Variants in ULK4 observed in about 807,000 individuals in gnomAD.
ULK4 encodes inactive serine/threonine-protein kinase ULK4.
Under a neutral mutation model 160.6 loss-of-function variants are expected in ULK4, and 133 were observed. That is an observed-to-expected ratio of 0.83 (90% CI 0.72 to 0.96). ULK4 has a LOEUF of 0.96. ULK4 is among the 40% of genes least tolerant of loss of function. The probability of loss-of-function intolerance (pLI) is 0.00; values close to 1 mark genes in which losing one functional copy is unlikely to be tolerated. For missense variants in ULK4, 1,580 were observed against 1,499.5 expected (o/e 1.05, Z -0.89); for synonymous variants, 534 against 539.8 (o/e 0.99, Z 0.15).
At chr3:41,557,493 G>A (rs1009101061) in intron 32 of ULK4, among the ~76,000 whole-genome samples, 1 of 151,930 alleles carries the variant, frequency 6.6e-6, no homozygotes, top group East Asian at 1.9e-4. Flanking sequence ...CAGGCATGGT[G>A]GCTCACACCT....
chr3:41,898,757 C>A (rs1698252953), intron 13 of ULK4, among the ~76,000 whole-genome samples: 1 of 152,204 alleles, frequency 6.6e-6, no homozygotes, highest in South Asian at 2.1e-4. Flanking sequence ...TACTTTTTAG[C>A]TAATTTACCT....
chr3:41,939,268 C>G (rs189006918), intron 2 of ULK4, among the ~76,000 whole-genome samples: 160 of 151,428 alleles, frequency 1.1e-3, no homozygotes, highest in African/African-American at 3.8e-3. Flanking sequence ...TCAAGCAATT[C>G]CCTGCCTCAG....
At chr3:41,916,085 T>C (rs1575943080) in intron 7 of ULK4, 33 bp from the exon 8 acceptor site, 1 of 1,420,436 alleles carries the variant, frequency 7.0e-7, no homozygotes, top group Non-Finnish European at 9.7e-7. Context: ...GAAAAAATGA[T>C]AAGTAGTAAA....
In ULK4 at chr3:41,915,969, G is replaced by A. The variant is rs1197298576; in HGVS notation, c.803+8C>T. ...AAAAAGAAAAAAAGATCGAACTACT[G>A]TCCCTACCTTTTCTGAGGATCTCTT... On this transcript the variant is annotated splice_region_variant and intron_variant, in intron 8 of 36. Transcript: ENST00000301831. The A allele has an allele frequency of 1.9e-6, 3 of 1,577,250 alleles. No individual in the cohort carries two copies. In the Admixed American group the frequency reaches 5.9e-5, roughly 31 times the overall value.
chr3:41,500,464 G>T (rs2085159667), intron 32 of ULK4, among the ~76,000 whole-genome samples: 1 of 152,112 alleles, frequency 6.6e-6, no homozygotes, highest in Admixed American at 6.6e-5. Flanking sequence ...TGATTAAAGG[G>T]AGGAGGGGTA....
intron 32 of ULK4, among the ~76,000 whole-genome samples, chr3:41,481,550 G>A (rs1436655638): frequency 3.9e-5 from 6 of 152,026 alleles, no homozygotes; most frequent in South Asian, 2.1e-4. Context: ...ATTCCTGGCC[G>A]GGCGCGGTGG....
intron 33 of ULK4, among the ~76,000 whole-genome samples, chr3:41,458,761 T>C (rs1206300928): frequency 6.6e-6 from 1 of 152,110 alleles, no homozygotes; most frequent in Non-Finnish European, 1.5e-5. Flanking sequence ...GTTCCTGTCT[T>C]ATTTATCTTT....
rs981854089 is a variant in ULK4, at chr3:41,492,459, G to A, written c.3227-29206C>T. On this transcript the variant is annotated intron_variant, in intron 32 of 36. Transcript: ENST00000301831. Reference sequence around the variant, plus strand: ...ACATGGAAAGGAACAACCGGTACCAGCCACTGCAAAATCATGCCAAAATGT... The same window carrying A: ...ACATGGAAAGGAACAACCGGTACCAACCACTGCAAAATCATGCCAAAATGT... Among the ~76,000 whole-genome samples, 42 of 151,244 alleles carry A rather than the reference G, an allele frequency of 2.8e-4. 1 individual carries two copies. Among genetic ancestry groups the A allele is most frequent in the Admixed American group, 2.4e-3 (36 of 15,154 alleles).
chr3:41,637,955 G>A (rs992902015), intron 30 of ULK4, among the ~76,000 whole-genome samples: 3 of 151,966 alleles, frequency 2.0e-5, no homozygotes, highest in Non-Finnish European at 4.4e-5. Context: ...TCTGATGTAC[G>A]GTTTACAAAT....
At chr3:41,733,436 C>G (rs1165599867) in intron 22 of ULK4, among the ~76,000 whole-genome samples, 1 of 151,712 alleles carries the variant, frequency 6.6e-6, no homozygotes, top group Non-Finnish European at 1.5e-5. Flanking sequence ...GGTGACACTT[C>G]AATAAAGCAG....
chr3:41,466,144 T>C (rs1185745236), intron 32 of ULK4, among the ~76,000 whole-genome samples: 1 of 152,200 alleles, frequency 6.6e-6, no homozygotes, highest in African/African-American at 2.4e-5. Context: ...GCTTCTGCTA[T>C]AATAATGTGC....
At chr3:41,854,526 C>T (rs1334891126) in intron 17 of ULK4, among the ~76,000 whole-genome samples, 3 of 152,102 alleles carry the variant, frequency 2.0e-5, no homozygotes, top group Non-Finnish European at 4.4e-5. Context: ...TATTCTGACC[C>T]ACAAGAATCA....
At chr3:41,675,959 T>A (rs77872212) in intron 29 of ULK4, among the ~76,000 whole-genome samples, 4,301 of 152,198 alleles carry the variant, frequency 0.028, 144 homozygotes, top group East Asian at 0.089. Context: ...TACAAACACA[T>A]AAGAAACTGA....
At chr3:41,459,377 C>G (rs371430193) in intron 33 of ULK4, among the ~76,000 whole-genome samples, 86 of 152,196 alleles carry the variant, frequency 5.7e-4, no homozygotes, top group African/African-American at 2.0e-3. Flanking sequence ...CAGTTCCTGT[C>G]GTTATATCTC....
chr3:41,607,575 T>C (rs544367184), intron 31 of ULK4, among the ~76,000 whole-genome samples: 1 of 152,276 alleles, frequency 6.6e-6, no homozygotes, highest in South Asian at 2.1e-4. Flanking sequence ...AGGACATATA[T>C]ACTTCAGTGT....
chr3:41,850,202 A>G (rs1367226735), intron 17 of ULK4, among the ~76,000 whole-genome samples: 1 of 152,186 alleles, frequency 6.6e-6, no homozygotes, highest in African/African-American at 2.4e-5. Context: ...TTCTTAATCC[A>G]GTCTATCATT....
intron 21 of ULK4, among the ~76,000 whole-genome samples, chr3:41,789,441 A>G (rs571459613): frequency 1.4e-4 from 21 of 152,206 alleles, no homozygotes; most frequent in Non-Finnish European, 2.9e-4. Flanking sequence ...GAAATGGGAC[A>G]AGTAGGCAGA....
chr3:41,896,825 G>C lies in ULK4; in HGVS notation c.1527C>G (p.Pro509=). The change falls in exon 15 of 37, where the codon CCC becomes CCG. Residue 509 remains proline (P), a synonymous_variant. Coordinates refer to ENST00000301831, the MANE Select transcript of ULK4 (RefSeq NM_017886.4). ...AAGGCATGTCACACAGGCTTACCAG[G>C]GGGGAATGGAGGAGCCTGGTGGCCA... ...QEVATRLLHS[P]LFQLLIQHLR... 1 of 1,611,850 alleles carries C rather than the reference G, an allele frequency of 6.2e-7. No homozygotes were observed. Among genetic ancestry groups the C allele is most frequent in the South Asian group, 1.1e-5 (1 of 90,940 alleles).
At chr3:41,776,053 T>C (rs1008127282) in intron 21 of ULK4, among the ~76,000 whole-genome samples, 6 of 151,004 alleles carry the variant, frequency 4.0e-5, no homozygotes, top group Non-Finnish European at 8.8e-5. Flanking sequence ...CATTAAAGAT[T>C]ATAAAATTGC....
Sources: allele counts gnomAD v4.1 joint callset (sites outside exome capture counted in the v4.1 genomes callset), GRCh38; gene constraint gnomAD v4.1.1; transcripts MANE v1.5; gene names NCBI Gene and HGNC (gene_info 2026-07-23, HGNC 2026-07-21).